AKR1D1: variants seen among roughly 807,000 people sequenced by gnomAD.
The protein encoded by AKR1D1 is aldo-keto reductase family 1 member D1.
Under a neutral mutation model 42.6 loss-of-function variants are expected in AKR1D1, and 32 were observed. The observed-to-expected ratio is 0.75, with a 90% CI of 0.57 to 1.01. The LOEUF is 1.01. Ranked by LOEUF, AKR1D1 falls within the 50% of genes least tolerant of loss-of-function variation. The pLI, the probability that AKR1D1 is intolerant of heterozygous loss-of-function variation, is 0.00. For missense variants in AKR1D1, 364 were observed against 402.2 expected (o/e 0.91, Z 0.81); for synonymous variants, 123 against 135.5 (o/e 0.91, Z 0.64).
intron 7 of AKR1D1, 126 bp from the exon 8 acceptor site, chr7:138,113,563 AC>A: frequency 1.2e-6 from 1 of 801,624 alleles, no homozygotes; most frequent in Non-Finnish European, 2.1e-6. Flanking sequence ...GCCCCCCAAC[AC>A]CAGCCTGACT....
At chr7:138,106,574 A>C (rs1177603322) in intron 5 of AKR1D1, 34 bp from the exon 6 acceptor site, 1 of 1,560,374 alleles carries the variant, frequency 6.4e-7, no homozygotes, top group East Asian at 2.2e-5. Flanking sequence ...CGTGGCCTTG[A>C]TTTTGTGCTC....
chr7:138,104,682 G>GAAA (rs35063839), intron 4 of AKR1D1, among the ~76,000 whole-genome samples: 10 of 131,932 alleles, frequency 7.6e-5, no homozygotes, highest in Admixed American at 7.8e-5. Context: ...CTCCATCTCG[G>GAAA]AAAAAAAAAA....
chr7:138,113,793 A>T (rs1310021380), intron 8 of AKR1D1, 21 bp downstream of exon 8: 1 of 1,605,420 alleles, frequency 6.2e-7, no homozygotes, highest in Non-Finnish European at 8.5e-7. Context: ...GGGATCATTA[A>T]TGGGTATTGA....
chr7:138,110,266 G>A (rs1274919718), intron 7 of AKR1D1, among the ~76,000 whole-genome samples: 1 of 151,900 alleles, frequency 6.6e-6, no homozygotes, highest in Admixed American at 6.6e-5. Context: ...TAAATATTTT[G>A]ATGAAAAAAG....
At chr7:138,106,314 T>G (rs1794431627) in intron 5 of AKR1D1, among the ~76,000 whole-genome samples, 1 of 152,216 alleles carries the variant, frequency 6.6e-6, no homozygotes, top group African/African-American at 2.4e-5. Context: ...ACTACAACAT[T>G]GTTCATAATG....
At chr7:138,112,893 T>G (rs747278439) in intron 7 of AKR1D1, among the ~76,000 whole-genome samples, 5 of 150,274 alleles carry the variant, frequency 3.3e-5, no homozygotes, top group Non-Finnish European at 5.9e-5. Flanking sequence ...AAGTATAAAA[T>G]CTAAGAAAAA....
intron 7 of AKR1D1, among the ~76,000 whole-genome samples, chr7:138,108,298 T>C (rs1027663392): frequency 2.6e-5 from 4 of 152,130 alleles, no homozygotes; most frequent in Non-Finnish European, 5.9e-5. Flanking sequence ...AACACAACCA[T>C]AGAAAAGTGC....
At chr7:138,108,083 T>C (rs924538570) in intron 7 of AKR1D1, among the ~76,000 whole-genome samples, 4 of 152,216 alleles carry the variant, frequency 2.6e-5, no homozygotes, top group Admixed American at 6.5e-5. Context: ...TAGTCAACTT[T>C]CCACCTTCTT....
intron 8 of AKR1D1, 99 bp downstream of exon 8, chr7:138,113,871 AC>A: frequency 9.3e-7 from 1 of 1,071,970 alleles, no homozygotes; most frequent in East Asian, 2.4e-5. Context: ...TGTCCATAGC[AC>A]CAGGGCAAAG....
chr7:138,117,833 C>A lies in AKR1D1; in HGVS notation c.*1171C>A, dbSNP rs889729192. 2 of 152,140 alleles carry A rather than the reference C, an allele frequency of 1.3e-5. No homozygotes were observed. The highest frequency in any genetic ancestry group is 2.9e-5 in the Non-Finnish European group (2 of 68,068). 9.4% of individuals were successfully genotyped at this position (152,140 alleles called of 1,614,324 possible). The stretch of plus-strand genomic sequence containing the variant: ...AGGAGATCGAGACCATCTTGGCTAA[C>A]AAGGTGAAACCCCGTCTCTACTAAA... On this transcript the variant is annotated 3_prime_UTR_variant, in exon 9 of 9. Coordinates refer to ENST00000242375, the MANE Select transcript of AKR1D1 (RefSeq NM_005989.4).
At chr7:138,102,775 T>C (rs1794343325) in intron 4 of AKR1D1, among the ~76,000 whole-genome samples, 1 of 152,226 alleles carries the variant, frequency 6.6e-6, no homozygotes, top group Non-Finnish European at 1.5e-5. Flanking sequence ...GGTAATCTTG[T>C]ACTACAACTG....
intron 1 of AKR1D1, among the ~76,000 whole-genome samples, chr7:138,080,147 T>C (rs1339631325): frequency 2.0e-5 from 3 of 152,356 alleles, no homozygotes; most frequent in Admixed American, 1.3e-4. Flanking sequence ...TTTTGGGTAC[T>C]GTGCTTCCTT....
At chr7:138,088,493 G>C in intron 1 of AKR1D1, 108 bp from the exon 2 acceptor site, 1 of 1,287,140 alleles carries the variant, frequency 7.8e-7, no homozygotes, top group Non-Finnish European at 1.1e-6. Flanking sequence ...AATTGGGAAT[G>C]TGTCATTTTA....
At chr7:138,081,506 C>CTTTTTTTTTT (rs61466734) in intron 1 of AKR1D1, among the ~76,000 whole-genome samples, 1 of 47,620 alleles carries the variant, frequency 2.1e-5, no homozygotes, top group African/African-American at 1.0e-4. Flanking sequence ...GAACTCCTAC[C>CTTTTTTTTTT]TTTTTTTTTT....
At chr7:138,102,135 T>C (rs1794330497) in intron 4 of AKR1D1, among the ~76,000 whole-genome samples, 1 of 152,040 alleles carries the variant, frequency 6.6e-6, no homozygotes, top group Admixed American at 6.6e-5. Context: ...CACTTGAACC[T>C]GAGAGGCGGA....
intron 4 of AKR1D1, among the ~76,000 whole-genome samples, chr7:138,105,023 T>C (rs539067357): frequency 9.9e-5 from 15 of 152,270 alleles, no homozygotes; most frequent in African/African-American, 3.6e-4. Flanking sequence ...CCTGCCAAAG[T>C]GCTGGGATTA....
chr7:138,099,252 G>C (rs919002315), intron 4 of AKR1D1, among the ~76,000 whole-genome samples: 1 of 152,156 alleles, frequency 6.6e-6, no homozygotes, highest in Non-Finnish European at 1.5e-5. Flanking sequence ...TGAACATTCT[G>C]TTCTAAGGGA....
chr7:138,104,185 ATTTTTGACATATTCCTTTCAG>A (rs1794371255), intron 4 of AKR1D1, among the ~76,000 whole-genome samples: 1 of 152,086 alleles, frequency 6.6e-6, no homozygotes. Context: ...ATAGTAAGAG[ATTTTTGACATATTCCTTTCAG>A]TTTTTGACAT....
intron 4 of AKR1D1, among the ~76,000 whole-genome samples, chr7:138,103,399 G>C (rs973791521): frequency 3.3e-5 from 5 of 152,038 alleles, no homozygotes; most frequent in Admixed American, 6.6e-5. Context: ...GATAAATACC[G>C]TGTGAACATG....
Sources: allele counts gnomAD v4.1 joint callset (sites outside exome capture counted in the v4.1 genomes callset), GRCh38; gene constraint gnomAD v4.1.1; transcripts MANE v1.5; gene names NCBI Gene and HGNC (gene_info 2026-07-23, HGNC 2026-07-21).